BRIP1: variants seen among roughly 807,000 people sequenced by gnomAD.
The protein encoded by BRIP1 is BRCA1 interacting DNA helicase 1.
Under a neutral mutation model 119.7 loss-of-function variants are expected in BRIP1, and 88 were observed. The ratio of observed to expected loss-of-function variants is 0.74; its 90% CI spans 0.62 to 0.88. The LOEUF (loss-of-function observed/expected upper bound fraction) is 0.88, where lower values mean the gene tolerates loss of function less well. Ranked by LOEUF, BRIP1 falls within the 40% of genes least tolerant of loss-of-function variation. The pLI is 0.00. For synonymous variants in BRIP1, 443 were observed against 496.5 expected, an observed-to-expected ratio of 0.89 and a Z score of 1.43; for missense variants, 1,259 against 1,455.4, an observed-to-expected ratio of 0.87 and a Z score of 2.20.
In BRIP1 at chr17:61,744,804, A is replaced by AGCT. The variant is rs530683397; in HGVS notation, c.2098-216_2098-214dup. On this transcript the variant is annotated intron_variant, in intron 14 of 19. Transcript: ENST00000259008. This position sits in a 1 kb window ranked among gnomAD's most constrained non-coding sequence, Gnocchi z 5.0. ...AGATCTGAATGGTGCTGGCACAGTT[A>AGCT]GCTGCTGCTGCTGCTACTACTACTA... Among the ~76,000 whole-genome samples, 40 of 151,936 alleles carry AGCT rather than the reference A, an allele frequency of 2.6e-4. No homozygotes were observed. Among genetic ancestry groups the AGCT allele is most frequent in the Admixed American group, 5.9e-4 (9 of 15,252 alleles).
rs545745895 is a variant in BRIP1, at chr17:61,833,679, A to G, written c.627+13422T>C. Among the ~76,000 whole-genome samples, 99 of 152,042 alleles carry G rather than the reference A, an allele frequency of 6.5e-4. 1 individual carries two copies. Among genetic ancestry groups the G allele is most frequent in the Non-Finnish European group, 9.0e-4 (61 of 67,966 alleles). ...AAGCAAGACTCCACCTCAAAAAAAA[A>G]AAAAAAAGCCATAATTATTGGAGCT... On this transcript the variant is annotated intron_variant, in intron 6 of 19. Coordinates refer to ENST00000259008, the MANE Select transcript of BRIP1 (RefSeq NM_032043.3).
At chr17:61,849,386 T>C (rs766451231) in intron 4 of BRIP1, 130 bp from the exon 5 acceptor site, 16 of 745,804 alleles carry the variant, frequency 2.1e-5, no homozygotes, top group Non-Finnish European at 3.2e-5. Context: ...ACATGAAACT[T>C]AAACATGTTT....
chr17:61,791,216 C>T (rs776081529), intron 10 of BRIP1, among the ~76,000 whole-genome samples: 12 of 152,092 alleles, frequency 7.9e-5, no homozygotes, highest in East Asian at 5.8e-4. Flanking sequence ...TAGCCAGGCA[C>T]GGTGACTCAC....
intron 17 of BRIP1, among the ~76,000 whole-genome samples, chr17:61,711,108 A>G (rs751941954): frequency 2.9e-4 from 44 of 152,084 alleles, no homozygotes; most frequent in Non-Finnish European, 2.8e-4. Flanking sequence ...TAAAACATCA[A>G]GTAGCAACAT....
rs768393936 is a variant in BRIP1 at position 61,744,560 on chromosome 17, G to A, written c.2129C>T (p.Ser710Phe). The change falls in exon 15 of 20, where the codon TCT becomes TTT. Residue 710 changes from serine to phenylalanine, a missense_variant. Physicochemically the swap from Ser to Phe is radical, Grantham distance 155. Coordinates refer to ENST00000259008, the MANE Select transcript of BRIP1 (RefSeq NM_032043.3). The surrounding 1 kb of genome is among the most constrained non-coding windows in gnomAD (Gnocchi z 5.0). ...LLEKLKERWL[S>F]TGLWHNLELV... ...CTCCAGATTATGCCATAAACCAGTAGAGAGCCAACGTTCTTTTAATTTTTC... is the reference window on the plus strand; with the variant it reads ...CTCCAGATTATGCCATAAACCAGTAAAGAGCCAACGTTCTTTTAATTTTTC... 11 of 1,613,712 alleles carry A rather than the reference G, an allele frequency of 6.8e-6. No individual in the cohort carries two copies. The South Asian group carries it at 7.7e-5, about 11-fold the overall frequency.
rs1186131678 is a variant in BRIP1, at chr17:61,725,088, A to G, written c.2380-9025T>C. On this transcript the variant is annotated intron_variant, in intron 16 of 19. Coordinates refer to ENST00000259008, the MANE Select transcript of BRIP1 (RefSeq NM_032043.3). This position sits in a 1 kb window ranked among gnomAD's most constrained non-coding sequence, Gnocchi z 5.3. ...TATAGCTGGTTTTATTTCATCTGGC[A>G]TATTTTCAAGATTTCTGACACAGTT... Among the ~76,000 whole-genome samples, 4 of 152,072 alleles carry G rather than the reference A, an allele frequency of 2.6e-5. No individual in the cohort carries two copies. The highest frequency in any genetic ancestry group is 1.5e-5 in the Non-Finnish European group (1 of 68,010).
rs1035120283 is a variant in BRIP1 at position 61,796,586 on chromosome 17, A to T, written c.1340+2514T>A. ...CTGTAGGTGTGTGGATTTGTTTCTG[A>T]GTTCTCTATTCTGTTCCATTGATCT... On this transcript the variant is annotated intron_variant, in intron 9 of 19. Transcript: ENST00000259008. This position sits in a 1 kb window ranked among gnomAD's most constrained non-coding sequence, Gnocchi z 4.8. Among the ~76,000 whole-genome samples, 3 of 151,926 alleles carry T rather than the reference A, an allele frequency of 2.0e-5. No individual in the cohort carries two copies. The highest frequency in any genetic ancestry group is 7.3e-5 in the African/African-American group (3 of 41,376).
chr17:61,820,874 A>T (rs2078310337), intron 6 of BRIP1, among the ~76,000 whole-genome samples: 1 of 151,804 alleles, frequency 6.6e-6, no homozygotes, highest in Non-Finnish European at 1.5e-5. Flanking sequence ...CACTTGAGCC[A>T]GGGAAGCGGA....
At position 61,844,801 on chromosome 17, in the gene BRIP1, C is replaced by T. The variant is rs1178953913; in HGVS notation, c.627+2300G>A. 6.6e-6 allele frequency among the ~76,000 whole-genome samples: 1 copy of T among 152,180 alleles called. No homozygotes were observed. Among genetic ancestry groups the T allele is most frequent in the African/African-American group, 2.4e-5 (1 of 41,450 alleles). ...GGGCATTTGCCAGAACATGAGAATG[C>T]CTAGGCAGGATTTAGCTCTACTATT... On this transcript the variant is annotated intron_variant, in intron 6 of 19. Transcript: ENST00000259008. The surrounding 1 kb of genome is among the most constrained non-coding windows in gnomAD (Gnocchi z 4.7).
chr17:61,783,080 C>T (rs1221406124), intron 11 of BRIP1, among the ~76,000 whole-genome samples: 1 of 152,130 alleles, frequency 6.6e-6, no homozygotes, highest in Non-Finnish European at 1.5e-5. Context: ...AAGCAGAACT[C>T]AGATATTTGT....
At position 61,758,627 on chromosome 17, in the gene BRIP1, A is replaced by T. The variant is rs2077232036; in HGVS notation, c.2098-14036T>A. Among the ~76,000 whole-genome samples the T allele has an allele frequency of 6.6e-6, 1 of 152,140 alleles. No individual in the cohort carries two copies. Among genetic ancestry groups the T allele is most frequent in the African/African-American group, 2.4e-5 (1 of 41,430 alleles). On this transcript the variant is annotated intron_variant, in intron 14 of 19. Transcript: ENST00000259008. The surrounding 1 kb of genome is among the most constrained non-coding windows in gnomAD (Gnocchi z 5.3). Reference sequence around the variant, plus strand: ...GGCATACCACTACAGGAAACCATCAAATCACAAAGGAAGACAGCAAGAGAA... The same window carrying T: ...GGCATACCACTACAGGAAACCATCATATCACAAAGGAAGACAGCAAGAGAA...
rs2061289864 is a variant in BRIP1 at position 61,682,995 on chromosome 17, G to GTA, written c.*300_*301insTA. 1 of 323,412 alleles carries GTA rather than the reference G, an allele frequency of 3.1e-6. No homozygotes were observed. The highest frequency in any genetic ancestry group is 2.2e-5 in the African/African-American group (1 of 46,146). 20.0% of individuals were successfully genotyped at this position (323,412 alleles called of 1,614,324 possible). A position where few individuals can be genotyped will look rare whatever the true frequency, so the allele number is the denominator to read the frequency against. ...AAAAATACAAAAACTAGCTGGGCAT[G>GTA]GTGGTGCACACCTGTAGTCCCAGCT... On this transcript the variant is annotated 3_prime_UTR_variant, in exon 20 of 20. Coordinates refer to ENST00000259008, the MANE Select transcript of BRIP1 (RefSeq NM_032043.3). The surrounding 1 kb of genome is among the most constrained non-coding windows in gnomAD (Gnocchi z 4.9).
At position 61,693,482 on chromosome 17, in the gene BRIP1, A is replaced by G. The variant is rs1603280558; in HGVS notation, c.2523T>C (p.Ala841=). The G allele has an allele frequency of 6.2e-7, 1 of 1,613,446 alleles. No homozygotes were observed. Among genetic ancestry groups the G allele is most frequent in the Admixed American group, 1.7e-5 (1 of 60,006 alleles). ...RCIRHRNDWG[A]LILVDDRFRN... Reference sequence around the variant, plus strand: ...TAAAGCGATCATCCACTAGAATAAGAGCTCCCCAATCATTTCTGTGTCTAA... The same window carrying G: ...TAAAGCGATCATCCACTAGAATAAGGGCTCCCCAATCATTTCTGTGTCTAA... Residue 841 remains alanine (A), a synonymous_variant, in exon 18 of 20, where the codon GCT becomes GCC. Transcript: ENST00000259008. The surrounding 1 kb of genome is among the most constrained non-coding windows in gnomAD (Gnocchi z 4.2).
In BRIP1 at chr17:61,816,229, T is replaced by C. The variant is rs1469886812; in HGVS notation, c.628-7472A>G. Reference sequence around the variant, plus strand: ...GTCAATCAGCAGGTAGGGGATCAGATACAGTGTCAGGTGAGAGTGTGTAAT... The same window carrying C: ...GTCAATCAGCAGGTAGGGGATCAGACACAGTGTCAGGTGAGAGTGTGTAAT... On this transcript the variant is annotated intron_variant, in intron 6 of 19. Transcript: ENST00000259008. This position sits in a 1 kb window ranked among gnomAD's most constrained non-coding sequence, Gnocchi z 5.0. Among the ~76,000 whole-genome samples, 1 of 152,216 alleles carries C rather than the reference T, an allele frequency of 6.6e-6. No homozygotes were observed. Among genetic ancestry groups the C allele is most frequent in the African/African-American group, 2.4e-5 (1 of 41,448 alleles).
Position 61,683,586 on chromosome 17 carries a change from T to C in BRIP1, c.3460A>G (p.Arg1154Gly), listed in dbSNP as rs769359514. ...GAATTGTTAGCCAATCTATTTCCTC[T>C]ATCAGTTTCAGCTAGGTCATTTTTT... ...EEKNDLAETD[R>G]GNRLANNSDC... The change falls in exon 20 of 20, where the codon AGA becomes GGA. Residue 1154 changes from arginine (R) to glycine (G), a missense_variant. By Grantham distance (125) the Arg-to-Gly change is moderately radical. Transcript: ENST00000259008. This position sits in a 1 kb window ranked among gnomAD's most constrained non-coding sequence, Gnocchi z 4.7. 1.9e-6 allele frequency: 3 copies of C among 1,612,642 alleles called. No individual in the cohort carries two copies. The highest frequency in any genetic ancestry group is 3.3e-5 in the Admixed American group (2 of 59,992).
Position 61,845,062 on chromosome 17 carries a change from G to A in BRIP1, c.627+2039C>T, listed in dbSNP as rs910548869. 2.0e-5 allele frequency among the ~76,000 whole-genome samples: 3 copies of A among 152,112 alleles called. No individual in the cohort carries two copies. Among genetic ancestry groups the A allele is most frequent in the African/African-American group, 7.2e-5 (3 of 41,420 alleles). On this transcript the variant is annotated intron_variant, in intron 6 of 19. Coordinates refer to ENST00000259008, the MANE Select transcript of BRIP1 (RefSeq NM_032043.3). The surrounding 1 kb of genome is among the most constrained non-coding windows in gnomAD (Gnocchi z 4.2). ...AGACAAATAATAAACAAGTAATCAA[G>A]TAATTTCAGATAATAGTAAGCCCAT...
chr17:61,716,127 T>C, intron 16 of BRIP1, 64 bp from the exon 17 acceptor site: 1 of 1,017,688 alleles, frequency 9.8e-7, no homozygotes. Flanking sequence ...AAACATCATA[T>C]TAACTTCTAA....
chr17:61,836,879 G>A (rs1210393390), intron 6 of BRIP1, among the ~76,000 whole-genome samples: 1 of 152,188 alleles, frequency 6.6e-6, no homozygotes, highest in African/African-American at 2.4e-5. Flanking sequence ...ATCTGGAAGA[G>A]TTTATTCAGA....
chr17:61,856,932 C>T lies in BRIP1; in HGVS notation c.379+126G>A. The T allele has an allele frequency of 1.0e-6, 1 of 955,818 alleles. No individual in the cohort carries two copies. Among genetic ancestry groups the T allele is most frequent in the East Asian group, 2.5e-5 (1 of 40,286 alleles). The allele number at this position is 955,818 out of a possible 1,614,324, so 59.2% of individuals were successfully genotyped here. A position where few individuals can be genotyped will look rare whatever the true frequency, so the allele number is the denominator to read the frequency against. ...ACTCTGTGCTATTTTAAAATCATTC[C>T]AGAGAAACTAGATAGAGATATATAA... is the stretch of plus-strand genomic sequence containing the variant. On this transcript the variant is annotated intron_variant, in intron 4 of 19. Transcript: ENST00000259008. This position sits in a 1 kb window ranked among gnomAD's most constrained non-coding sequence, Gnocchi z 5.1.
Sources: allele counts gnomAD v4.1 joint callset (sites outside exome capture counted in the v4.1 genomes callset), GRCh38; gene constraint gnomAD v4.1.1; non-coding constraint Gnocchi (gnomAD v3.1); transcripts MANE v1.5; gene names NCBI Gene and HGNC (gene_info 2026-07-23, HGNC 2026-07-21).